The following TM6SF1 variants were observed in gnomAD, a reference collection of about 807,000 sequenced individuals.
TM6SF1 encodes transmembrane 6 superfamily member 1.
TM6SF1 carries 43 observed loss-of-function variants against 47.1 expected under a neutral mutation model. That is an observed-to-expected ratio of 0.91 (90% confidence interval 0.72 to 1.18). The LOEUF (loss-of-function observed/expected upper bound fraction) is 1.18. Among genes scored for constraint, TM6SF1 ranks in the 50% most tolerant of loss-of-function variants. The pLI, the probability that TM6SF1 is intolerant of heterozygous loss-of-function variation, is 0.00. For synonymous variants in TM6SF1, 177 were observed against 166.3 expected (o/e 1.06, Z -0.49); for missense variants, 390 against 449.0 (o/e 0.87, Z 1.19).
At chr15:83,110,136 CAGAAAA>C (rs1215103770) in intron 1 of TM6SF1, among the ~76,000 whole-genome samples, 1 of 152,072 alleles carries the variant, frequency 6.6e-6, no homozygotes, top group Non-Finnish European at 1.5e-5. Flanking sequence ...CTCTGAAAAC[CAGAAAA>C]AGAAAATTAG....
chr15:83,115,558 G>C, intron 2 of TM6SF1: 1 of 543,502 alleles, frequency 1.8e-6, no homozygotes, highest in South Asian at 1.7e-5. Flanking sequence ...GGTGGAGTTG[G>C]CCTGCTAGAA....
intron 4 of TM6SF1, 82 bp downstream of exon 4, chr15:83,119,763 C>T: frequency 6.3e-7 from 1 of 1,590,710 alleles, no homozygotes; most frequent in Non-Finnish European, 8.6e-7. Flanking sequence ...TGCATAGAGG[C>T]AAATACACAA....
chr15:83,117,313 C>A (rs188900181), intron 3 of TM6SF1, among the ~76,000 whole-genome samples: 168 of 152,154 alleles, frequency 1.1e-3, no homozygotes, highest in Non-Finnish European at 1.9e-3. Context: ...CAGATGCTGG[C>A]AGGGCTTTGC....
intron 2 of TM6SF1, chr15:83,115,548 G>T (rs2034580298): frequency 3.9e-6 from 2 of 516,596 alleles, no homozygotes; most frequent in Admixed American, 2.4e-5. Flanking sequence ...GTGGAGGATG[G>T]GTGGAGTTGG....
intron 8 of TM6SF1, 57 bp downstream of exon 8, chr15:83,126,904 G>C: frequency 6.9e-7 from 1 of 1,442,526 alleles, no homozygotes; most frequent in Non-Finnish European, 9.6e-7. Context: ...TTTAAAAAAT[G>C]GGTCCCAGCT....
In TM6SF1 at chr15:83,136,766, G is replaced by C; in HGVS notation, c.*94G>C. The C allele has an allele frequency of 1.9e-6, 2 of 1,055,466 alleles. No individual in the cohort carries two copies. Among genetic ancestry groups the C allele is most frequent in the Non-Finnish European group, 2.8e-6 (2 of 727,030 alleles). 65.4% of individuals were successfully genotyped at this position (1,055,466 alleles called of 1,614,324 possible). On this transcript the variant is annotated 3_prime_UTR_variant, in exon 10 of 10. Coordinates refer to ENST00000322019, the MANE Select transcript of TM6SF1 (RefSeq NM_023003.5). ...CATTTCACTCTCTTCTCATACGTGA[G>C]TACTTAAGAATATGTACATTCTTGC...
chr15:83,136,910 GATC>G lies in TM6SF1; in HGVS notation c.*242_*244del, dbSNP rs1453493282. The G allele has an allele frequency of 2.5e-5, 8 of 323,360 alleles. No individual in the cohort carries two copies. Among genetic ancestry groups the G allele is most frequent in the Non-Finnish European group, 4.5e-5 (8 of 177,172 alleles). The allele number at this position is 323,360 out of a possible 1,614,324, so 20.0% of individuals were successfully genotyped here. A position where few individuals can be genotyped will look rare whatever the true frequency, so the allele number is the denominator to read the frequency against. On this transcript the variant is annotated 3_prime_UTR_variant, in exon 10 of 10. Coordinates refer to ENST00000322019, the MANE Select transcript of TM6SF1 (RefSeq NM_023003.5). The stretch of plus-strand genomic sequence containing the variant: ...TTCAAAATCATTTGTGAATAAACTT[GATC>G]ATCCATCTCAATATTGTTTGACATA...
At chr15:83,118,603 C>G (rs1031088764) in intron 3 of TM6SF1, among the ~76,000 whole-genome samples, 1 of 152,176 alleles carries the variant, frequency 6.6e-6, no homozygotes, top group Admixed American at 6.5e-5. Context: ...ACAGAGCAGT[C>G]CTTGCCCCAG....
Position 83,121,913 on chromosome 15 carries a change from T to G in TM6SF1, c.399-8T>G, listed in dbSNP as rs2035295094. On this transcript the variant is annotated splice_polypyrimidine_tract_variant and splice_region_variant and intron_variant, in intron 4 of 9. Transcript: ENST00000322019. The stretch of plus-strand genomic sequence containing the variant: ...CAAGTCAAGATTTTTTTGTTGTTGT[T>G]GTTACAGGGAAACTTATAGAACCAT... 1 of 1,593,110 alleles carries G rather than the reference T, an allele frequency of 6.3e-7. No individual in the cohort carries two copies. The highest frequency in any genetic ancestry group is 8.5e-7 in the Non-Finnish European group (1 of 1,174,110).
intron 9 of TM6SF1, chr15:83,128,135 A>T (rs977822796): frequency 6.6e-6 from 1 of 152,300 alleles, no homozygotes; most frequent in Non-Finnish European, 1.5e-5. Flanking sequence ...AATAAAACAA[A>T]TGAACTTATC....
chr15:83,112,182 C>CTA (rs1174145788), intron 1 of TM6SF1, among the ~76,000 whole-genome samples: 1 of 152,140 alleles, frequency 6.6e-6, no homozygotes, highest in Admixed American at 6.5e-5. Flanking sequence ...GGGTTGGATG[C>CTA]TGGTCTGTTG....
At position 83,113,001 on chromosome 15, in the gene TM6SF1, TTGG is replaced by T. The variant is rs2034327337; in HGVS notation, c.196+103_196+105del. ...CTTGGTTGTGAATACTCTGAGCCCT[TTGG>T]TAACAGTGGCTGCAAGTGTAGGGGT... On this transcript the variant is annotated intron_variant, in intron 2 of 9. Transcript: ENST00000322019. 3.0e-6 allele frequency: 3 copies of T among 991,386 alleles called. No individual in the cohort carries two copies. In the Admixed American group the frequency reaches 5.4e-5, roughly 18 times the overall value. The allele number at this position is 991,386 out of a possible 1,614,324, so 61.4% of individuals were successfully genotyped here.
rs1422438514 is a variant in TM6SF1 at position 83,136,538 on chromosome 15, G to A, written c.979G>A (p.Val327Ile). Residue 327 changes from valine to isoleucine, a missense_variant, in exon 10 of 10, where the codon GTC becomes ATC. Coordinates refer to ENST00000322019, the MANE Select transcript of TM6SF1 (RefSeq NM_023003.5). ...TGCTAGAACTGCTTATGTCTACAGA[G>A]TCCCTGAAGAAGCAAAAATCCTTTT... The part of the protein sequence containing the change: ...LHARTAYVYR[V>I]PEEAKILFLA... The A allele has an allele frequency of 5.0e-6, 8 of 1,613,478 alleles. No homozygotes were observed. The highest frequency in any genetic ancestry group is 3.3e-4 in the Middle Eastern group (2 of 6,082).
At chr15:83,123,036 A>G (rs1470914696) in intron 6 of TM6SF1, among the ~76,000 whole-genome samples, 158 bp downstream of exon 6, 1 of 152,200 alleles carries the variant, frequency 6.6e-6, no homozygotes. Context: ...TTACGTATTA[A>G]TTAATGTAGG....
chr15:83,124,533 G>C, intron 6 of TM6SF1, 139 bp from the exon 7 acceptor site: 1 of 634,048 alleles, frequency 1.6e-6, no homozygotes, highest in Non-Finnish European at 2.7e-6. Context: ...TTTTCCTAAA[G>C]TTCCATGGCC....
chr15:83,114,258 C>T (rs1213117633), intron 2 of TM6SF1: 1 of 152,574 alleles, frequency 6.6e-6, no homozygotes, highest in East Asian at 1.9e-4. Context: ...ACCCTCAGCC[C>T]TCTGTCCTGG....
In TM6SF1 at chr15:83,117,641, C is replaced by T. The variant is rs140764118; in HGVS notation, c.294+1699C>T. On this transcript the variant is annotated intron_variant, in intron 3 of 9. Transcript: ENST00000322019. ...CAAGGGTGGTAAGCATTGGGGCAGA[C>T]GGGGTATCAGAAGGGGGACTGGGGT... Among the ~76,000 whole-genome samples, 429 of 151,716 alleles carry T rather than the reference C, an allele frequency of 2.8e-3. 3 individuals are homozygous for T. Among genetic ancestry groups the T allele is most frequent in the African/African-American group, 9.8e-3 (406 of 41,354 alleles).
At position 83,107,924 on chromosome 15, in the gene TM6SF1, TA is replaced by T; in HGVS notation, c.92+153del. ...AGGGGCTCCCCGCGCCTGGCCAGACTAGGGGGGCGCCCCAGGGGTCGCACGG... is the reference window on the plus strand; with the variant it reads ...AGGGGCTCCCCGCGCCTGGCCAGACTGGGGGGCGCCCCAGGGGTCGCACGG... On this transcript the variant is annotated intron_variant, in intron 1 of 9. Coordinates refer to ENST00000322019, the MANE Select transcript of TM6SF1 (RefSeq NM_023003.5). This position sits in a 1 kb window ranked among gnomAD's most constrained non-coding sequence, Gnocchi z 5.6. 7.8e-7 allele frequency: 1 copy of T among 1,275,338 alleles called. No individual in the cohort carries two copies. Among genetic ancestry groups the T allele is most frequent in the Admixed American group, 4.3e-5 (1 of 23,384 alleles). The allele number at this position is 1,275,338 out of a possible 1,614,324, so 79.0% of individuals were successfully genotyped here.
chr15:83,121,830 T>G (rs950514559), intron 4 of TM6SF1, 91 bp from the exon 5 acceptor site: 16 of 937,088 alleles, frequency 1.7e-5, no homozygotes, highest in Non-Finnish European at 2.0e-5. Flanking sequence ...CTTTACTAGT[T>G]TGAATACAAA....
Sources: allele counts gnomAD v4.1 joint callset (sites outside exome capture counted in the v4.1 genomes callset), GRCh38; gene constraint gnomAD v4.1.1; non-coding constraint Gnocchi (gnomAD v3.1); transcripts MANE v1.5; gene names NCBI Gene and HGNC (gene_info 2026-07-23, HGNC 2026-07-21).